The following CAMKK1 variants were observed in gnomAD, a reference collection of about 807,000 sequenced individuals.
CAMKK1 encodes calcium/calmodulin dependent protein kinase kinase 1.
In CAMKK1, 20 loss-of-function variants were observed where a neutral mutation model predicts 63.5. The ratio of observed to expected loss-of-function variants is 0.32; its 90% confidence interval spans 0.22 to 0.46. The LOEUF is 0.46. Ranked by LOEUF, CAMKK1 falls within the 20% of genes least tolerant of loss-of-function variation. CAMKK1 has a pLI of 1.00. For synonymous variants in CAMKK1, 253 were observed against 269.0 expected (o/e 0.94, Z 0.58); for missense variants, 588 against 658.1 (o/e 0.89, Z 1.17).
At chr17:3,878,144 TCTC>T (rs2055249515) in intron 9 of CAMKK1, among the ~76,000 whole-genome samples, 1 of 152,056 alleles carries the variant, frequency 6.6e-6, no homozygotes, top group African/African-American at 2.4e-5. Flanking sequence ...TCCAACTGCT[TCTC>T]ATCATCTGCA....
At chr17:3,872,873 G>A (rs2054956132) in intron 11 of CAMKK1, among the ~76,000 whole-genome samples, 1 of 152,202 alleles carries the variant, frequency 6.6e-6, no homozygotes, top group African/African-American at 2.4e-5. Context: ...GCCAGGCCAG[G>A]CTGGGTGCAC....
intron 8 of CAMKK1, among the ~76,000 whole-genome samples, chr17:3,881,355 TC>T (rs754181318): frequency 6.6e-6 from 1 of 152,138 alleles, no homozygotes; most frequent in African/African-American, 2.4e-5. Context: ...ACTCCTTTCT[TC>T]CCCCTCTCCT....
chr17:3,878,321 A>ACC (rs2055260582), intron 9 of CAMKK1, among the ~76,000 whole-genome samples: 2 of 152,108 alleles, frequency 1.3e-5, no homozygotes, highest in African/African-American at 2.4e-5. Context: ...CCTGGCGCTA[A>ACC]CCGTTCTGCC....
In CAMKK1 at chr17:3,890,542, C is replaced by G; in HGVS notation, c.-44+2397G>C. On this transcript the variant is annotated intron_variant, in intron 1 of 15. Transcript: ENST00000348335. This position sits in a 1 kb window ranked among gnomAD's most constrained non-coding sequence, Gnocchi z 6.5. ...CCCCAGATTCAACTCAGCATCTTCC[C>G]CAAACCTGCTCGTCCTCCTCTGTCT... 2 of 716,792 alleles carry G rather than the reference C, an allele frequency of 2.8e-6. No individual in the cohort carries two copies. Among genetic ancestry groups the G allele is most frequent in the Non-Finnish European group, 5.2e-6 (2 of 383,202 alleles). The allele number at this position is 716,792 out of a possible 1,614,324, so 44.4% of individuals were successfully genotyped here.
At chr17:3,866,061 ACG>A in intron 14 of CAMKK1, 50 bp from the exon 15 acceptor site, 2 of 1,599,014 alleles carry the variant, frequency 1.3e-6, no homozygotes, top group East Asian at 2.3e-5. Flanking sequence ...GCTCCCAGAC[ACG>A]CAGCCTCTGC....
Position 3,883,534 on chromosome 17 carries a change from C to T in CAMKK1, c.463-54G>A, listed in dbSNP as rs1467606740. 16 of 1,406,572 alleles carry T rather than the reference C, an allele frequency of 1.1e-5. No homozygotes were observed. The highest frequency in any genetic ancestry group is 1.4e-5 in the African/African-American group (1 of 70,554). The allele number at this position is 1,406,572 out of a possible 1,614,324, so 87.1% of individuals were successfully genotyped here. A position where few individuals can be genotyped will look rare whatever the true frequency, so the allele number is the denominator to read the frequency against. ...ACTGTGCAGCCACCAGGGGCTAGAA[C>T]AGGCTGGTACATGTGGACTGAGGTC... On this transcript the variant is annotated intron_variant, in intron 4 of 15. Coordinates refer to ENST00000348335, the MANE Select transcript of CAMKK1 (RefSeq NM_032294.3). This position sits in a 1 kb window ranked among gnomAD's most constrained non-coding sequence, Gnocchi z 4.7.
intron 10 of CAMKK1, among the ~76,000 whole-genome samples, chr17:3,875,402 C>T (rs1023827311): frequency 1.3e-5 from 2 of 152,130 alleles, no homozygotes; most frequent in Non-Finnish European, 2.9e-5. Flanking sequence ...CCACCTCGGC[C>T]TCCCAAGTAG....
chr17:3,882,084 A>G lies in CAMKK1; in HGVS notation c.686-436T>C, dbSNP rs112053398. The G allele has an allele frequency of 3.5e-6, 2 of 570,392 alleles. No homozygotes were observed. The highest frequency in any genetic ancestry group is 1.9e-5 in the African/African-American group (1 of 53,388). The allele number at this position is 570,392 out of a possible 1,614,324, so 35.3% of individuals were successfully genotyped here. A position where few individuals can be genotyped will look rare whatever the true frequency, so the allele number is the denominator to read the frequency against. ...CCAGACACAAGGAACTAAAATAATA[A>G]CATTACTATTAACAAGGATAATAAC... On this transcript the variant is annotated intron_variant, in intron 7 of 15. Transcript: ENST00000348335. This position sits in a 1 kb window ranked among gnomAD's most constrained non-coding sequence, Gnocchi z 4.3.
intron 12 of CAMKK1, among the ~76,000 whole-genome samples, chr17:3,872,070 G>A (rs72825471): frequency 0.052 from 7,861 of 152,298 alleles, 367 homozygotes; most frequent in African/African-American, 0.13. Flanking sequence ...TCCCTGCTAC[G>A]CTCAGAGACC....
At chr17:3,864,448 G>A (rs1017485232) in intron 15 of CAMKK1, among the ~76,000 whole-genome samples, 38 of 151,204 alleles carry the variant, frequency 2.5e-4, no homozygotes, top group African/African-American at 8.3e-4. Flanking sequence ...GGGTTTCACC[G>A]TGTTAGCCAG....
chr17:3,885,480 C>T lies in CAMKK1; in HGVS notation c.208G>A (p.Ala70Thr), dbSNP rs2143886812. The change falls in exon 2 of 16, where the codon GCC becomes ACC. Residue 70 changes from alanine (A) to threonine (T), a missense_variant. Ala to Thr is a moderately conservative substitution (Grantham distance 58). Around this residue, in one of 3 missense-constraint regions of CAMKK1, gnomAD observed 357 missense variants for 407.4 expected, o/e 0.88. Transcript: ENST00000348335. ...RLLPARPSLS[A>T]RKLSLQERPA... Reference sequence around the variant, plus strand: ...CGCTCCTGTAGGGAAAGCTTCCTGGCTGAGAGGCTAGGCCGGGCTGGGAGC... The same window carrying T: ...CGCTCCTGTAGGGAAAGCTTCCTGGTTGAGAGGCTAGGCCGGGCTGGGAGC... 3.7e-6 allele frequency: 6 copies of T among 1,613,734 alleles called. No homozygotes were observed. The highest frequency in any genetic ancestry group is 5.1e-6 in the Non-Finnish European group (6 of 1,180,008).
rs766781054 is a variant in CAMKK1, at chr17:3,883,340, C to T, written c.514+89G>A. On this transcript the variant is annotated intron_variant, in intron 5 of 15. Coordinates refer to ENST00000348335, the MANE Select transcript of CAMKK1 (RefSeq NM_032294.3). The surrounding 1 kb of genome is among the most constrained non-coding windows in gnomAD (Gnocchi z 4.7). ...GCTCACGCTGTCTCCCTCTCTACCC[C>T]ATTCCTAGCCAAAACTAGCTCAGGA... 1.3e-6 allele frequency: 2 copies of T among 1,496,628 alleles called. No individual in the cohort carries two copies. Among genetic ancestry groups the T allele is most frequent in the Non-Finnish European group, 1.9e-6 (2 of 1,074,486 alleles). 92.7% of individuals were successfully genotyped at this position (1,496,628 alleles called of 1,614,324 possible). A position where few individuals can be genotyped will look rare whatever the true frequency, so the allele number is the denominator to read the frequency against.
At chr17:3,888,726 C>G (rs565230684) in intron 1 of CAMKK1, among the ~76,000 whole-genome samples, 1 of 152,000 alleles carries the variant, frequency 6.6e-6, no homozygotes, top group Non-Finnish European at 1.5e-5. Context: ...GGCTCCCCAT[C>G]CCTCCCTCCC....
chr17:3,876,238 C>T lies in CAMKK1; in HGVS notation c.981G>A (p.Gln327=), dbSNP rs1203816437. 3.1e-6 allele frequency: 5 copies of T among 1,614,050 alleles called. No homozygotes were observed. The African/African-American group carries it at 6.7e-5, about 22-fold the overall frequency. The change falls in exon 10 of 16, where the codon CAG becomes CAA. Residue 327 remains glutamine (Q), a synonymous_variant. Coordinates refer to ENST00000348335, the MANE Select transcript of CAMKK1 (RefSeq NM_032294.3). ...MAPEAISDSG[Q]SFSGKALDVW... is the part of the protein sequence containing the mutation. The stretch of plus-strand genomic sequence containing the variant: ...TGCGAGTCACCTTCCCACTGAAGCT[C>T]TGGCCGGAATCAGAAATGGCCTCGG...
chr17:3,869,455 G>C (rs1231845415), intron 14 of CAMKK1, 32 bp downstream of exon 14: 1 of 1,613,608 alleles, frequency 6.2e-7, no homozygotes, highest in Non-Finnish European at 8.5e-7. Context: ...AGGCCCTCCA[G>C]GACAAGGGAG....
rs549604139 is a variant in CAMKK1 at position 3,867,666 on chromosome 17, AG to A, written c.1342-1656del. 6.5e-3 allele frequency among the ~76,000 whole-genome samples: 993 copies of A among 152,182 alleles called. 8 individuals are homozygous for A. The highest frequency in any genetic ancestry group is 0.023 in the African/African-American group (944 of 41,524). ...CGACCCCACAGAGTCAAGTAAGCATAGGGGGCAGGGATTGAGCCAGCTGGTC... is the reference window on the plus strand; with the variant it reads ...CGACCCCACAGAGTCAAGTAAGCATAGGGGCAGGGATTGAGCCAGCTGGTC... On this transcript the variant is annotated intron_variant, in intron 14 of 15. Coordinates refer to ENST00000348335, the MANE Select transcript of CAMKK1 (RefSeq NM_032294.3).
intron 1 of CAMKK1, 97 bp from the exon 2 acceptor site, chr17:3,885,827 G>T: frequency 1.6e-6 from 2 of 1,251,554 alleles, no homozygotes; most frequent in Non-Finnish European, 2.2e-6. Context: ...CCATGCCTTT[G>T]CCCTGGCTGT....
At chr17:3,863,875 G>T (rs1422938923) in intron 15 of CAMKK1, among the ~76,000 whole-genome samples, 1 of 152,158 alleles carries the variant, frequency 6.6e-6, no homozygotes, top group Non-Finnish European at 1.5e-5. Flanking sequence ...ACCACTAGGG[G>T]GTGCTGGACC....
chr17:3,891,117 G>GGC (rs897058667), intron 1 of CAMKK1, among the ~76,000 whole-genome samples: 3 of 151,782 alleles, frequency 2.0e-5, no homozygotes, highest in African/African-American at 7.3e-5. Flanking sequence ...GTTGGGGGGG[G>GGC]GGTCACAGGC....
Sources: gnomAD v4.1 joint callset for allele counts (sites outside exome capture counted in the v4.1 genomes callset) on GRCh38, gnomAD v4.1.1 for gene constraint, gnomAD v4.1.1 regional missense constraint, Gnocchi (gnomAD v3.1) non-coding constraint, MANE v1.5 for transcripts, NCBI Gene and HGNC (gene_info 2026-07-23, HGNC 2026-07-21) for gene names.